BCHE: variants seen among roughly 807,000 people sequenced by gnomAD.
BCHE encodes cholinesterase.
In BCHE, 48 loss-of-function variants were observed where a neutral mutation model predicts 51.3. The observed-to-expected ratio is 0.94, with a 90% CI of 0.74 to 1.19. BCHE has a LOEUF of 1.19. Among genes scored for constraint, BCHE ranks in the 50% most tolerant of loss-of-function variants. BCHE has a pLI of 0.00. For missense variants in BCHE, 847 were observed against 708.2 expected (o/e 1.20, Z -2.23); for synonymous variants, 251 against 238.0 (o/e 1.05, Z -0.50).
chr3:165,775,974 G>C (rs200640768), intron 3 of BCHE, among the ~76,000 whole-genome samples: 2 of 151,548 alleles, frequency 1.3e-5, no homozygotes, highest in Non-Finnish European at 3.0e-5. Flanking sequence ...ATATTGGCTT[G>C]TTTATTACTA....
intron 2 of BCHE, among the ~76,000 whole-genome samples, chr3:165,792,701 T>C (rs967052000): frequency 1.3e-5 from 2 of 152,226 alleles, no homozygotes; most frequent in Non-Finnish European, 2.9e-5. Flanking sequence ...AATAGATTAA[T>C]TTGTATGTAT....
chr3:165,791,124 G>A (rs927974230), intron 2 of BCHE, among the ~76,000 whole-genome samples: 16 of 151,996 alleles, frequency 1.1e-4, no homozygotes, highest in South Asian at 4.2e-4. Flanking sequence ...GTGAAACCCC[G>A]TCTTTAATAA....
At chr3:165,787,763 G>A (rs933976155) in intron 2 of BCHE, among the ~76,000 whole-genome samples, 1 of 151,902 alleles carries the variant, frequency 6.6e-6, no homozygotes, top group Non-Finnish European at 1.5e-5. Context: ...AGGTCTAACA[G>A]CCCTGGAAAA....
rs11391808 is a variant in BCHE, at chr3:165,812,286, A to ATTT, written c.1517+17228_1517+17230dup. On this transcript the variant is annotated intron_variant, in intron 2 of 3. Transcript: ENST00000264381. ...AAAAAATGGATCTCATGAGTCTTTGATTTTTTTTTTTGAGGTCCCACTACG... is the reference window on the plus strand; with the variant it reads ...AAAAAATGGATCTCATGAGTCTTTGATTTTTTTTTTTTTTGAGGTCCCACTACG... Among the ~76,000 whole-genome samples the ATTT allele has an allele frequency of 5.6e-4, 82 of 147,704 alleles. 1 individual carries two copies. Among genetic ancestry groups the ATTT allele is most frequent in the African/African-American group, 2.0e-3 (81 of 40,582 alleles).
At chr3:165,780,770 G>A (rs1401779922) in intron 3 of BCHE, among the ~76,000 whole-genome samples, 3 of 152,154 alleles carry the variant, frequency 2.0e-5, no homozygotes, top group African/African-American at 4.8e-5. Context: ...AATAGATGCT[G>A]GTGAGGCTGT....
intron 2 of BCHE, among the ~76,000 whole-genome samples, chr3:165,793,018 T>A (rs990739821): frequency 2.0e-5 from 3 of 152,148 alleles, no homozygotes; most frequent in African/African-American, 7.2e-5. Flanking sequence ...GTGAAGAAGA[T>A]TTTTTTAGTT....
chr3:165,836,912 A>C (rs971034364), intron 1 of BCHE, among the ~76,000 whole-genome samples: 4 of 151,426 alleles, frequency 2.6e-5, no homozygotes, highest in African/African-American at 9.7e-5. Context: ...ATTTAAAAAG[A>C]AAAAAAAAGG....
At chr3:165,800,043 G>A in intron 2 of BCHE, among the ~76,000 whole-genome samples, 1 of 151,690 alleles carries the variant, frequency 6.6e-6, no homozygotes, top group African/African-American at 2.4e-5. Flanking sequence ...GCAATTAGAA[G>A]TATTTTATAA....
chr3:165,785,127 CA>C (rs773666782), intron 3 of BCHE, among the ~76,000 whole-genome samples: 9 of 151,772 alleles, frequency 5.9e-5, no homozygotes, highest in Non-Finnish European at 1.0e-4. Context: ...ATTAAGCAAT[CA>C]AATACAGCTC....
intron 2 of BCHE, among the ~76,000 whole-genome samples, chr3:165,815,205 TCC>T (rs1404803219): frequency 6.6e-6 from 1 of 150,756 alleles, no homozygotes; most frequent in Non-Finnish European, 1.5e-5. Flanking sequence ...TTCTCAAATT[TCC>T]ATAACAGCCA....
chr3:165,827,944 C>T, intron 2 of BCHE: 1 of 426,142 alleles, frequency 2.3e-6, no homozygotes, highest in South Asian at 1.7e-5. Context: ...TACCAGCTCT[C>T]ATTCAATCAT....
chr3:165,828,429 AC>A (rs1714813323), intron 2 of BCHE, among the ~76,000 whole-genome samples: 1 of 152,120 alleles, frequency 6.6e-6, no homozygotes. Flanking sequence ...TAAGTATTAA[AC>A]CATTTTGAAA....
chr3:165,809,174 C>T (rs966846729), intron 2 of BCHE, among the ~76,000 whole-genome samples: 1 of 151,960 alleles, frequency 6.6e-6, no homozygotes, highest in South Asian at 2.1e-4. Flanking sequence ...AAGAAAAAAA[C>T]CGTTATGGAC....
At chr3:165,813,694 A>C (rs1002088674) in intron 2 of BCHE, among the ~76,000 whole-genome samples, 1 of 151,904 alleles carries the variant, frequency 6.6e-6, no homozygotes, top group Non-Finnish European at 1.5e-5. Context: ...CAGAAATTTC[A>C]AGGATAACAA....
chr3:165,780,113 C>T (rs1002087133), intron 3 of BCHE, among the ~76,000 whole-genome samples: 3 of 152,092 alleles, frequency 2.0e-5, no homozygotes, highest in Non-Finnish European at 4.4e-5. Context: ...CATCATACAT[C>T]GACAACCATT....
intron 2 of BCHE, among the ~76,000 whole-genome samples, chr3:165,816,929 C>A (rs1345732968): frequency 6.6e-6 from 1 of 151,976 alleles, no homozygotes; most frequent in East Asian, 1.9e-4. Context: ...GCCCCTTTTT[C>A]TCCCTTGAAT....
chr3:165,797,441 C>T (rs189991885), intron 2 of BCHE, among the ~76,000 whole-genome samples: 242 of 148,184 alleles, frequency 1.6e-3, no homozygotes, highest in African/African-American at 5.9e-3. Context: ...CCCTAATTTC[C>T]AAATGTGAAG....
At chr3:165,785,512 A>G (rs1304469513) in intron 3 of BCHE, among the ~76,000 whole-genome samples, 1 of 151,778 alleles carries the variant, frequency 6.6e-6, no homozygotes, top group Non-Finnish European at 1.5e-5. Context: ...TTTTCATCGT[A>G]TTTCCTTACC....
chr3:165,786,989 A>C (rs912982031), intron 2 of BCHE, among the ~76,000 whole-genome samples: 2 of 151,734 alleles, frequency 1.3e-5, no homozygotes, highest in Admixed American at 6.6e-5. Context: ...GGAGTTAGGG[A>C]ATTAGATAGA....
Sources: allele counts gnomAD v4.1 joint callset (sites outside exome capture counted in the v4.1 genomes callset), GRCh38; gene constraint gnomAD v4.1.1; transcripts MANE v1.5; gene names NCBI Gene and HGNC (gene_info 2026-07-23, HGNC 2026-07-21).